Variants in SLC39A11 observed in about 807,000 individuals in gnomAD.
SLC39A11 encodes the protein solute carrier family 39 member 11.
Under a neutral mutation model 36.1 loss-of-function variants are expected in SLC39A11, and 33 were observed. The ratio of observed to expected loss-of-function variants is 0.91; its 90% CI spans 0.69 to 1.22. The LOEUF is 1.22. SLC39A11 is among the 50% of genes most tolerant of loss of function. SLC39A11 has a pLI of 0.00. For synonymous variants in SLC39A11, 166 were observed against 170.3 expected (o/e 0.97, Z 0.20); for missense variants, 432 against 430.3 (o/e 1.00, Z -0.03).
intron 6 of SLC39A11, among the ~76,000 whole-genome samples, chr17:72,810,368 G>A (rs2077396082): frequency 6.6e-6 from 1 of 152,102 alleles, no homozygotes; most frequent in East Asian, 1.9e-4. Context: ...CAGAAGAATG[G>A]ACAAATAGTA....
At chr17:72,861,753 TA>T in intron 5 of SLC39A11, among the ~76,000 whole-genome samples, 1 of 38,308 alleles carries the variant, frequency 2.6e-5, no homozygotes, top group Admixed American at 2.5e-4. Context: ...TATATATATA[TA>T]TATATATATA....
chr17:73,019,784 T>C (rs1045887131), intron 4 of SLC39A11, among the ~76,000 whole-genome samples: 1 of 152,184 alleles, frequency 6.6e-6, no homozygotes, highest in Admixed American at 6.5e-5. Flanking sequence ...TCAGTAATTA[T>C]ATTAAATATA....
At chr17:72,656,872 G>T (rs1220700968) in intron 7 of SLC39A11, among the ~76,000 whole-genome samples, 1 of 152,080 alleles carries the variant, frequency 6.6e-6, no homozygotes, top group Non-Finnish European at 1.5e-5. Flanking sequence ...GGCCGGGCAT[G>T]GTGGCTCACA....
At chr17:72,710,970 C>T (rs1332282542) in intron 7 of SLC39A11, among the ~76,000 whole-genome samples, 2 of 152,160 alleles carry the variant, frequency 1.3e-5, no homozygotes, top group East Asian at 1.9e-4. Context: ...CCAATCACAT[C>T]CTCCCTCCCC....
chr17:72,743,750 G>A (rs988787067), intron 6 of SLC39A11, among the ~76,000 whole-genome samples: 2 of 152,132 alleles, frequency 1.3e-5, no homozygotes, highest in East Asian at 3.9e-4. Context: ...ACTCACTGGG[G>A]GGAAAAGGAA....
chr17:72,874,038 A>G (rs975537920), intron 5 of SLC39A11, among the ~76,000 whole-genome samples: 29 of 152,282 alleles, frequency 1.9e-4, no homozygotes, highest in African/African-American at 6.0e-4. Context: ...AGGCACGCTG[A>G]ACTGTGAGGC....
chr17:72,729,432 TA>T (rs2074093661), intron 7 of SLC39A11, among the ~76,000 whole-genome samples: 56 of 3,460 alleles, frequency 0.016, 9 homozygotes, highest in African/African-American at 0.035. Context: ...TATATATATA[TA>T]TATATATATA....
chr17:72,761,452 G>A (rs1189797087), intron 6 of SLC39A11, among the ~76,000 whole-genome samples: 1 of 152,204 alleles, frequency 6.6e-6, no homozygotes, highest in Non-Finnish European at 1.5e-5. Context: ...AAGCATTTCA[G>A]TGCAAGAGCT....
chr17:72,996,565 G>A (rs139320099), intron 4 of SLC39A11, among the ~76,000 whole-genome samples: 84 of 152,150 alleles, frequency 5.5e-4, no homozygotes, highest in East Asian at 3.9e-3. Flanking sequence ...TCGTGGCAGC[G>A]TTACTCCCAT....
chr17:72,899,269 T>C (rs1170524749), intron 5 of SLC39A11, among the ~76,000 whole-genome samples: 1 of 149,632 alleles, frequency 6.7e-6, no homozygotes, highest in East Asian at 2.0e-4. Flanking sequence ...GCCACCACTC[T>C]TGCTGGGGTG....
At chr17:73,068,174 G>T (rs746085382) in intron 3 of SLC39A11, 3 of 1,245,070 alleles carry the variant, frequency 2.4e-6, no homozygotes, top group Non-Finnish European at 2.3e-6. Flanking sequence ...CGGAGAAACT[G>T]CAGTGGAAGA....
chr17:72,757,532 A>G (rs1323769790), intron 6 of SLC39A11, among the ~76,000 whole-genome samples: 1 of 150,250 alleles, frequency 6.7e-6, no homozygotes, highest in Non-Finnish European at 1.5e-5. Context: ...CGGTTGTGGG[A>G]CGGCTTTTTG....
At chr17:73,026,200 G>GAAGAGAAGAGCAGAGAAGA (rs1555683108) in intron 4 of SLC39A11, among the ~76,000 whole-genome samples, 1 of 126,926 alleles carries the variant, frequency 7.9e-6, no homozygotes, top group African/African-American at 3.0e-5. Flanking sequence ...AGAAGAGAAG[G>GAAGAGAAGAGCAGAGAAGA]GAAGAGAAGA....
chr17:72,921,982 A>G (rs1347975918), intron 5 of SLC39A11, among the ~76,000 whole-genome samples: 1 of 152,194 alleles, frequency 6.6e-6, no homozygotes, highest in Admixed American at 6.5e-5. Context: ...TAGTGTGAAA[A>G]ATGTTATTAT....
intron 3 of SLC39A11, among the ~76,000 whole-genome samples, chr17:73,040,878 G>A (rs760684360): frequency 7.9e-5 from 12 of 151,606 alleles, no homozygotes; most frequent in South Asian, 2.1e-4. Flanking sequence ...CCAGCTGCTC[G>A]GAAGGCTGAG....
chr17:73,007,244 A>G (rs569880182), intron 4 of SLC39A11, among the ~76,000 whole-genome samples: 6 of 152,172 alleles, frequency 3.9e-5, no homozygotes, highest in Non-Finnish European at 8.8e-5. Context: ...AACATGGTGA[A>G]ATCCCATCTC....
At chr17:72,699,532 G>A (rs2072502828) in intron 7 of SLC39A11, among the ~76,000 whole-genome samples, 1 of 152,210 alleles carries the variant, frequency 6.6e-6, no homozygotes. Context: ...CCCCTGCAAT[G>A]TGTGCTGGTC....
At position 72,837,765 on chromosome 17, in the gene SLC39A11, T is replaced by C. The variant is rs2078630965; in HGVS notation, c.601+11869A>G. 6 of 344,242 alleles carry C rather than the reference T, an allele frequency of 1.7e-5. No individual in the cohort carries two copies. In the East Asian group the frequency reaches 2.5e-4, roughly 14 times the overall value. The allele number at this position is 344,242 out of a possible 1,614,324, so 21.3% of individuals were successfully genotyped here. ...ACATCAACGAAACTTGGAAGCATCA[T>C]GCCAAGTGAAAGAAACCAGACACAA... On this transcript the variant is annotated intron_variant, in intron 6 of 9. Coordinates refer to ENST00000255559, the MANE Select transcript of SLC39A11 (RefSeq NM_139177.4).
intron 5 of SLC39A11, among the ~76,000 whole-genome samples, chr17:72,869,303 G>A (rs555018559): frequency 1.3e-5 from 2 of 152,344 alleles, no homozygotes; most frequent in South Asian, 4.1e-4. Flanking sequence ...CTCAAACCTT[G>A]TGCATGTTAA....
Sources: allele counts gnomAD v4.1 joint callset (sites outside exome capture counted in the v4.1 genomes callset), GRCh38; gene constraint gnomAD v4.1.1; transcripts MANE v1.5; gene names NCBI Gene and HGNC (gene_info 2026-07-23, HGNC 2026-07-21).